The following TAFA2 variants were observed in gnomAD, a reference collection of about 807,000 sequenced individuals.
TAFA2 encodes the protein TAFA chemokine like family member 2.
A neutral mutation model predicts 18.8 loss-of-function variants in TAFA2; 7 were observed. The ratio of observed to expected loss-of-function variants is 0.37; its 90% CI spans 0.21 to 0.70. The LOEUF (loss-of-function observed/expected upper bound fraction) is 0.70. TAFA2 is among the 30% of genes least tolerant of loss of function. The pLI is 0.53. For synonymous variants in TAFA2, 60 were observed against 54.2 expected (o/e 1.11, Z -0.47); for missense variants, 122 against 158.1 (o/e 0.77, Z 1.23).
At chr12:62,004,057 T>G (rs946465760) in intron 1 of TAFA2, among the ~76,000 whole-genome samples, 1 of 152,190 alleles carries the variant, frequency 6.6e-6, no homozygotes, top group East Asian at 1.9e-4. Flanking sequence ...TTTTGGTTTA[T>G]AGTTATCTGA....
chr12:61,867,183 A>G, intron 2 of TAFA2, 137 bp downstream of exon 2: 2 of 615,214 alleles, frequency 3.3e-6, no homozygotes, highest in Non-Finnish European at 5.7e-6. Context: ...ACACTGCATT[A>G]TTACTTAAAG....
Position 61,709,142 on chromosome 12 carries a change from T to A in TAFA2, c.*1264A>T, listed in dbSNP as rs887500481. On this transcript the variant is annotated 3_prime_UTR_variant, in exon 5 of 5. Coordinates refer to ENST00000416284, the MANE Select transcript of TAFA2 (RefSeq NM_178539.5). ...CACAAATGAAACAAAATAAATGTAG[T>A]ACAAAATTATACATTCTATAACTTA... is the stretch of plus-strand genomic sequence containing the variant. The A allele has an allele frequency of 6.6e-6, 1 of 152,432 alleles. No homozygotes were observed. Among genetic ancestry groups the A allele is most frequent in the Non-Finnish European group, 1.5e-5 (1 of 67,974 alleles). The allele number at this position is 152,432 out of a possible 1,614,324, so 9.4% of individuals were successfully genotyped here. A position where few individuals can be genotyped will look rare whatever the true frequency, so the allele number is the denominator to read the frequency against.
intron 1 of TAFA2, among the ~76,000 whole-genome samples, chr12:61,887,666 A>T (rs1187604026): frequency 1.4e-5 from 2 of 145,746 alleles, no homozygotes; most frequent in African/African-American, 5.1e-5. Context: ...TTCCCACCTA[A>T]GAGTGAGAAT....
At chr12:62,136,609 C>T (rs1385057705) in intron 1 of TAFA2, among the ~76,000 whole-genome samples, 1 of 152,100 alleles carries the variant, frequency 6.6e-6, no homozygotes, top group East Asian at 1.9e-4. Flanking sequence ...TCTGTAAACA[C>T]TATATACGCA....
intron 2 of TAFA2, among the ~76,000 whole-genome samples, chr12:61,770,868 CA>C (rs1463106005): frequency 6.6e-6 from 1 of 151,948 alleles, no homozygotes; most frequent in Non-Finnish European, 1.5e-5. Flanking sequence ...ATAACTAGTA[CA>C]GTGAATAGAA....
chr12:61,899,096 C>T (rs1256456904), intron 1 of TAFA2, among the ~76,000 whole-genome samples: 1 of 152,198 alleles, frequency 6.6e-6, no homozygotes, highest in Non-Finnish European at 1.5e-5. Flanking sequence ...CTGAGACCAC[C>T]TTAGCCTGGA....
chr12:62,254,714 T>C (rs1198330998), intron 1 of TAFA2, among the ~76,000 whole-genome samples: 1 of 152,230 alleles, frequency 6.6e-6, no homozygotes, highest in African/African-American at 2.4e-5. Context: ...ATCTACTGTG[T>C]GGTCTATAGT....
chr12:62,175,807 T>C (rs1450611694), intron 1 of TAFA2, among the ~76,000 whole-genome samples: 1 of 151,974 alleles, frequency 6.6e-6, no homozygotes, highest in African/African-American at 2.4e-5. Context: ...TACTATTCCA[T>C]TATATAAGCA....
chr12:62,087,401 A>C (rs957106878), intron 1 of TAFA2, among the ~76,000 whole-genome samples: 1 of 152,174 alleles, frequency 6.6e-6, no homozygotes, highest in Non-Finnish European at 1.5e-5. Context: ...AAGTGACTGG[A>C]AGAAGCCCGA....
At chr12:62,097,038 T>G (rs999409640) in intron 1 of TAFA2, among the ~76,000 whole-genome samples, 12 of 152,280 alleles carry the variant, frequency 7.9e-5, no homozygotes, top group African/African-American at 2.6e-4. Context: ...ATCTCTGTAG[T>G]CAGCTGTTGC....
chr12:62,078,348 C>T (rs1868268626), intron 1 of TAFA2, among the ~76,000 whole-genome samples: 1 of 147,544 alleles, frequency 6.8e-6, no homozygotes, highest in African/African-American at 2.5e-5. Context: ...CCCAAGGTTA[C>T]AAAAGGAAGA....
intron 1 of TAFA2, among the ~76,000 whole-genome samples, chr12:61,881,517 C>G (rs140153854): frequency 0.017 from 2,603 of 152,110 alleles, 36 homozygotes; most frequent in Non-Finnish European, 0.027. Context: ...CATCATTGGC[C>G]AAAACATTGT....
intron 2 of TAFA2, among the ~76,000 whole-genome samples, chr12:61,820,464 C>T (rs1872272701): frequency 6.6e-6 from 1 of 151,340 alleles, no homozygotes; most frequent in Non-Finnish European, 1.5e-5. Flanking sequence ...GCCTCACTCT[C>T]TTTTTAGGAA....
chr12:62,013,548 A>T (rs1032128276), intron 1 of TAFA2, among the ~76,000 whole-genome samples: 1 of 152,200 alleles, frequency 6.6e-6, no homozygotes, highest in Non-Finnish European at 1.5e-5. Context: ...ACACATCATC[A>T]TCACACAGCA....
At chr12:62,248,667 T>C (rs1029350739) in intron 1 of TAFA2, among the ~76,000 whole-genome samples, 10 of 152,196 alleles carry the variant, frequency 6.6e-5, no homozygotes, top group African/African-American at 2.4e-4. Context: ...TTAATGCCTG[T>C]TTATTACCAG....
intron 1 of TAFA2, among the ~76,000 whole-genome samples, chr12:62,150,184 G>A (rs1265824069): frequency 1.3e-5 from 2 of 152,098 alleles, no homozygotes; most frequent in Non-Finnish European, 2.9e-5. Context: ...TGTGATAGAC[G>A]CCAAGGGCAC....
At chr12:61,844,781 CTTTG>C (rs1873333461) in intron 2 of TAFA2, among the ~76,000 whole-genome samples, 2 of 152,194 alleles carry the variant, frequency 1.3e-5, no homozygotes, top group East Asian at 3.9e-4. Flanking sequence ...AGAAAATCAT[CTTTG>C]TTTGTGAGGC....
At chr12:61,730,250 T>A (rs1206496043) in intron 4 of TAFA2, among the ~76,000 whole-genome samples, 8 of 152,152 alleles carry the variant, frequency 5.3e-5, no homozygotes, top group Admixed American at 5.2e-4. Flanking sequence ...GACCTCTGGT[T>A]AGCCAGGATG....
At chr12:62,117,667 A>G (rs1326043620) in intron 1 of TAFA2, among the ~76,000 whole-genome samples, 5 of 152,144 alleles carry the variant, frequency 3.3e-5, no homozygotes, top group African/African-American at 7.2e-5. Context: ...ATGTAGTAGA[A>G]TGAGTCCTAT....
Sources: allele counts gnomAD v4.1 joint callset (sites outside exome capture counted in the v4.1 genomes callset), GRCh38; gene constraint gnomAD v4.1.1; transcripts MANE v1.5; gene names NCBI Gene and HGNC (gene_info 2026-07-23, HGNC 2026-07-21).